LRP1B: variants seen among roughly 807,000 people sequenced by gnomAD.
LRP1B encodes low-density lipoprotein receptor-related protein 1B.
Under a neutral mutation model 556.6 loss-of-function variants are expected in LRP1B, and 217 were observed. The ratio of observed to expected loss-of-function variants is 0.39; its 90% CI spans 0.35 to 0.44. LRP1B has a LOEUF of 0.44. Among genes scored for constraint, LRP1B ranks in the 20% least tolerant of loss-of-function variants. LRP1B has a pLI of 1.00. For missense variants in LRP1B, 5,053 were observed against 5,620.8 expected (o/e 0.90, Z 3.23); for synonymous variants, 2,047 against 1,865.8 (o/e 1.10, Z -2.50).
intron 18 of LRP1B, among the ~76,000 whole-genome samples, chr2:140,968,363 T>C (rs1191103299): frequency 6.6e-6 from 1 of 152,028 alleles, no homozygotes; most frequent in African/African-American, 2.4e-5. Context: ...ATTTCTGTGG[T>C]ATTGGTGGTG....
At chr2:140,485,653 G>C in intron 58 of LRP1B, 129 bp from the exon 59 acceptor site, 1 of 631,544 alleles carries the variant, frequency 1.6e-6, no homozygotes, top group Admixed American at 3.5e-5. Context: ...GATAAGAAGA[G>C]AATAATTGAC....
At chr2:140,794,575 C>T (rs114594727) in intron 32 of LRP1B, among the ~76,000 whole-genome samples, 1,586 of 151,370 alleles carry the variant, frequency 0.01, 22 homozygotes, top group African/African-American at 0.037. Context: ...GGTTAAATAA[C>T]ATTGAAATTT....
chr2:140,277,215 A>G (rs1682713057), intron 84 of LRP1B, among the ~76,000 whole-genome samples: 1 of 151,976 alleles, frequency 6.6e-6, no homozygotes. Flanking sequence ...TTAAAGTACT[A>G]AAGGTCAAAG....
rs1330754794 is a variant in LRP1B at position 140,314,523 on chromosome 2, C to T, written c.12805+412G>A. Among the ~76,000 whole-genome samples the T allele has an allele frequency of 2.0e-5, 3 of 152,228 alleles. No homozygotes were observed. In the East Asian group the frequency reaches 5.8e-4, roughly 29 times the overall value. ...GGGAATCAGGATGCTATCAGATTCT[C>T]TGTTACAGTTTATTTACATTTAAAA... On this transcript the variant is annotated intron_variant, in intron 83 of 90. Coordinates refer to ENST00000389484, the MANE Select transcript of LRP1B (RefSeq NM_018557.3).
chr2:140,769,172 T>A (rs1239829898), intron 35 of LRP1B, 41 bp downstream of exon 35: 1 of 1,566,000 alleles, frequency 6.4e-7, no homozygotes, highest in South Asian at 1.1e-5. Flanking sequence ...ATAAATCAAG[T>A]GAATATATTA....
intron 6 of LRP1B, among the ~76,000 whole-genome samples, chr2:141,206,926 G>A (rs1682309284): frequency 6.6e-6 from 1 of 152,172 alleles, no homozygotes; most frequent in African/African-American, 2.4e-5. Flanking sequence ...GAAGTAGTGT[G>A]TGTCATAACA....
intron 77 of LRP1B, among the ~76,000 whole-genome samples, chr2:140,336,967 C>T (rs200179661): frequency 5.9e-5 from 9 of 151,698 alleles, no homozygotes; most frequent in South Asian, 2.1e-4. Context: ...GTAATCAATA[C>T]GTAACAGCAT....
intron 7 of LRP1B, among the ~76,000 whole-genome samples, chr2:141,075,163 T>C (rs1196109794): frequency 2.6e-5 from 4 of 152,064 alleles, no homozygotes; most frequent in South Asian, 4.1e-4. Flanking sequence ...GGATTAAAAG[T>C]GTTGGGTGAC....
At chr2:141,835,288 G>A (rs139589046) in intron 1 of LRP1B, among the ~76,000 whole-genome samples, 4 of 152,094 alleles carry the variant, frequency 2.6e-5, no homozygotes, top group Non-Finnish European at 5.9e-5. Context: ...TTGTGTGAGA[G>A]TCAGCCAGGC....
intron 79 of LRP1B, among the ~76,000 whole-genome samples, chr2:140,327,773 A>T (rs1001732558): frequency 5.3e-5 from 8 of 152,088 alleles, no homozygotes; most frequent in African/African-American, 1.9e-4. Flanking sequence ...AGCAGTAAAA[A>T]GGTCTCAAAA....
chr2:141,039,683 C>T (rs979783215), intron 11 of LRP1B, among the ~76,000 whole-genome samples: 1 of 152,008 alleles, frequency 6.6e-6, no homozygotes, highest in Non-Finnish European at 1.5e-5. Context: ...TGTACACATG[C>T]TTATTTTGGG....
At chr2:141,765,795 T>C (rs1292631520) in intron 2 of LRP1B, among the ~76,000 whole-genome samples, 1 of 152,208 alleles carries the variant, frequency 6.6e-6, no homozygotes, top group Non-Finnish European at 1.5e-5. Flanking sequence ...CTTTTTCTCC[T>C]TATTTCAGTG....
At chr2:140,363,563 C>G in intron 72 of LRP1B, among the ~76,000 whole-genome samples, 1 of 151,584 alleles carries the variant, frequency 6.6e-6, no homozygotes, top group East Asian at 1.9e-4. Context: ...CAGAAACAAT[C>G]TAATCCCTGG....
chr2:140,373,388 G>C (rs1007682372), intron 68 of LRP1B, among the ~76,000 whole-genome samples: 7 of 152,066 alleles, frequency 4.6e-5, no homozygotes, highest in Admixed American at 1.3e-4. Context: ...CTATATAAAA[G>C]TGGCTCAGAT....
At position 141,251,611 on chromosome 2, in the gene LRP1B, T is replaced by C. The variant is rs1353141921; in HGVS notation, c.463+2911A>G. Among the ~76,000 whole-genome samples, 4 of 152,102 alleles carry C rather than the reference T, an allele frequency of 2.6e-5. No individual in the cohort carries two copies. The East Asian group carries it at 5.8e-4, about 22-fold the overall frequency. ...AAAGAGGTAGAAATTGATAGACCAA[T>C]GGACCAAGTTGAGACAAAAGTTTGG... is the stretch of plus-strand genomic sequence containing the variant. On this transcript the variant is annotated intron_variant, in intron 4 of 90. Transcript: ENST00000389484.
chr2:140,345,797 T>G, intron 77 of LRP1B, among the ~76,000 whole-genome samples: 1 of 141,250 alleles, frequency 7.1e-6, no homozygotes, highest in Non-Finnish European at 1.5e-5. Flanking sequence ...TACACATATA[T>G]ACATATATAC....
At chr2:140,667,735 G>A (rs1685329514) in intron 41 of LRP1B, among the ~76,000 whole-genome samples, 1 of 152,130 alleles carries the variant, frequency 6.6e-6, no homozygotes, top group African/African-American at 2.4e-5. Context: ...GAGTCTCAGA[G>A]TTGAAAAGTG....
chr2:140,680,739 C>A (rs1685832570), intron 41 of LRP1B, among the ~76,000 whole-genome samples: 1 of 152,106 alleles, frequency 6.6e-6, no homozygotes, highest in Non-Finnish European at 1.5e-5. Flanking sequence ...CTCTAGGTGT[C>A]AATGAACATT....
chr2:142,113,561 C>A (rs918988784), intron 1 of LRP1B, among the ~76,000 whole-genome samples: 17 of 151,096 alleles, frequency 1.1e-4, no homozygotes, highest in African/African-American at 4.1e-4. Context: ...CATCAGCCAC[C>A]AGAAATTTTA....
Sources: allele counts gnomAD v4.1 joint callset (sites outside exome capture counted in the v4.1 genomes callset), GRCh38; gene constraint gnomAD v4.1.1; transcripts MANE v1.5; gene names NCBI Gene and HGNC (gene_info 2026-07-23, HGNC 2026-07-21).